The following C19orf18 variants were observed in gnomAD, a reference collection of about 807,000 sequenced individuals.
C19orf18 encodes the protein chromosome 19 open reading frame 18.
Under a neutral mutation model 23.3 loss-of-function variants are expected in C19orf18, and 21 were observed. That is an observed-to-expected ratio of 0.90 (90% CI 0.64 to 1.30). The LOEUF (loss-of-function observed/expected upper bound fraction) is 1.30. Ranked by LOEUF, C19orf18 falls within the 50% of genes most tolerant of loss-of-function variation. C19orf18 has a pLI of 0.00. For missense variants in C19orf18, 249 were observed against 259.6 expected, an observed-to-expected ratio of 0.96 and a Z score of 0.28; for synonymous variants, 96 against 95.2, an observed-to-expected ratio of 1.01 and a Z score of -0.05.
At chr19:57,969,045 CCCTCAGAAA>C (rs1240882462) in intron 3 of C19orf18, among the ~76,000 whole-genome samples, 1 of 152,168 alleles carries the variant, frequency 6.6e-6, no homozygotes, top group Non-Finnish European at 1.5e-5. Flanking sequence ...CCCATTCCTT[CCCTCAGAAA>C]CCCCAGTAGA....
At chr19:57,974,032 A>G (rs2072965510) in intron 2 of C19orf18, 67 bp downstream of exon 2, 1 of 1,465,460 alleles carries the variant, frequency 6.8e-7, no homozygotes, top group Non-Finnish European at 9.5e-7. Context: ...GTACACATTC[A>G]CATGGCAGAT....
chr19:57,964,232 ATATT>A (rs992182190), intron 4 of C19orf18, among the ~76,000 whole-genome samples: 1 of 152,304 alleles, frequency 6.6e-6, no homozygotes, highest in South Asian at 2.1e-4. Context: ...ACAAAACTTT[ATATT>A]TATTAATAGT....
At chr19:57,961,311 G>A (rs1231683880) in intron 5 of C19orf18, 80 bp downstream of exon 5, 11 of 1,358,836 alleles carry the variant, frequency 8.1e-6, no homozygotes, top group South Asian at 7.2e-5. Flanking sequence ...GCAAGCCACC[G>A]CTGAGAAAGA....
chr19:57,964,987 G>A (rs1413683559), intron 4 of C19orf18, among the ~76,000 whole-genome samples: 2 of 152,026 alleles, frequency 1.3e-5, no homozygotes, highest in Admixed American at 6.6e-5. Flanking sequence ...TTGCGAAGAC[G>A]GTGATGTAAC....
chr19:57,970,153 G>T (rs2072935244), intron 3 of C19orf18, among the ~76,000 whole-genome samples: 1 of 152,176 alleles, frequency 6.6e-6, no homozygotes, highest in African/African-American at 2.4e-5. Flanking sequence ...TGAGAGCAAT[G>T]TGGCTATGCA....
At chr19:57,960,125 T>C (rs1000931403) in intron 5 of C19orf18, among the ~76,000 whole-genome samples, 1 of 141,138 alleles carries the variant, frequency 7.1e-6, no homozygotes, top group African/African-American at 2.6e-5. Context: ...AAAAGATAAA[T>C]AAATAAAATA....
rs1304142160 is a variant in C19orf18 at position 57,966,659 on chromosome 19, G to C, written c.269-27C>G. 3 of 1,491,422 alleles carry C rather than the reference G, an allele frequency of 2.0e-6. No individual in the cohort carries two copies. In the East Asian group the frequency reaches 6.8e-5, roughly 34 times the overall value. 92.4% of individuals were successfully genotyped at this position (1,491,422 alleles called of 1,614,324 possible). ...TAAAAAGAAAGAAAAGAAAAGAAGT[G>C]CTCAAAAATGTTCATTTTAGCTATG... On this transcript the variant is annotated intron_variant, in intron 3 of 5. Transcript: ENST00000314391.
chr19:57,959,100 G>C (rs939329566), intron 5 of C19orf18, among the ~76,000 whole-genome samples: 1 of 152,210 alleles, frequency 6.6e-6, no homozygotes, highest in Non-Finnish European at 1.5e-5. Context: ...TTTTTAGAGA[G>C]TGAGTCCATG....
Position 57,958,623 on chromosome 19 carries a change from A to G in C19orf18, c.627T>C (p.Asn209=). The G allele has an allele frequency of 1.2e-6, 2 of 1,605,250 alleles. No individual in the cohort carries two copies. Among genetic ancestry groups the G allele is most frequent in the Non-Finnish European group, 1.7e-6 (2 of 1,175,886 alleles). ...TENKTKNASH[N]GKMEDL The stretch of plus-strand genomic sequence containing the variant: ...GCGTTCACAAGTCTTCCATTTTTCC[A>G]TTATGTGACGCATTCTTTGTTTTGT... Residue 209 remains asparagine (N), a synonymous_variant, in exon 6 of 6, where the codon AAT becomes AAC. Coordinates refer to ENST00000314391, the MANE Select transcript of C19orf18 (RefSeq NM_152474.5).
intron 2 of C19orf18, among the ~76,000 whole-genome samples, chr19:57,973,671 G>A (rs1304091899): frequency 6.6e-6 from 1 of 150,772 alleles, no homozygotes; most frequent in African/African-American, 2.4e-5. Flanking sequence ...CTTGCAGTGA[G>A]CCGAGATCGC....
chr19:57,967,766 T>C (rs569487359), intron 3 of C19orf18, among the ~76,000 whole-genome samples: 109 of 142,584 alleles, frequency 7.6e-4, no homozygotes, highest in Admixed American at 2.2e-3. Context: ...AAAAAAAAAC[T>C]TTGGGAGGCA....
intron 1 of C19orf18, 36 bp from the exon 2 acceptor site, chr19:57,974,239 A>C: frequency 6.2e-7 from 1 of 1,613,466 alleles, no homozygotes; most frequent in Non-Finnish European, 8.5e-7. Context: ...AAATGTAATT[A>C]CCTTCTTTTT....
Position 57,966,528 on chromosome 19 carries a change from A to T in C19orf18, c.371+2T>A, listed in dbSNP as rs767436619. 6 of 1,568,122 alleles carry T rather than the reference A, an allele frequency of 3.8e-6. No homozygotes were observed. The Admixed American group carries it at 8.4e-5, about 22-fold the overall frequency. The stretch of plus-strand genomic sequence containing the variant: ...AGCAGATATTACTTAGCAGATACTT[A>T]CTATATCATATAGGAGATTGCCATC... On this transcript the variant is annotated splice_donor_variant, in intron 4 of 5. Transcript: ENST00000314391. LOFTEE classifies it high-confidence loss of function.
intron 5 of C19orf18, 63 bp from the exon 6 acceptor site, chr19:57,958,780 G>A: frequency 1.1e-6 from 1 of 916,972 alleles, no homozygotes. Flanking sequence ...GGAGACAAAA[G>A]GGGTGAGGGA....
chr19:57,960,425 CAAAAAAAAAAAA>C (rs34335308), intron 5 of C19orf18, among the ~76,000 whole-genome samples: 1 of 94,188 alleles, frequency 1.1e-5, no homozygotes, highest in Non-Finnish European at 2.3e-5. Context: ...GACTCCGCCT[CAAAAAAAAAAAA>C]AAAAAAAAGA....
intron 4 of C19orf18, among the ~76,000 whole-genome samples, chr19:57,966,325 GTCTT>G (rs542478682): frequency 1.6e-4 from 24 of 152,074 alleles, no homozygotes; most frequent in East Asian, 9.7e-4. Flanking sequence ...TCTGTCCTGT[GTCTT>G]TCTTTCTTTT....
chr19:57,971,926 T>G (rs565134686), intron 3 of C19orf18, among the ~76,000 whole-genome samples: 1 of 152,266 alleles, frequency 6.6e-6, no homozygotes, highest in East Asian at 1.9e-4. Context: ...TCACTCAGCA[T>G]ATGTGATTAA....
At chr19:57,972,111 G>A (rs549261351) in intron 3 of C19orf18, among the ~76,000 whole-genome samples, 50 of 152,322 alleles carry the variant, frequency 3.3e-4, no homozygotes, top group Admixed American at 1.0e-3. Context: ...ACTCTGAAGC[G>A]AGAGGTGTTG....
intron 3 of C19orf18, among the ~76,000 whole-genome samples, chr19:57,968,449 T>C (rs1435841806): frequency 6.6e-6 from 1 of 152,102 alleles, no homozygotes; most frequent in Non-Finnish European, 1.5e-5. Flanking sequence ...GCATGGACGG[T>C]TCAATTTCCA....
Sources: allele counts gnomAD v4.1 joint callset (sites outside exome capture counted in the v4.1 genomes callset), GRCh38; gene constraint gnomAD v4.1.1; transcripts MANE v1.5; gene names NCBI Gene and HGNC (gene_info 2026-07-23, HGNC 2026-07-21).